Variants in GABBR2 observed in about 807,000 individuals in gnomAD.
The protein encoded by GABBR2 is gamma-aminobutyric acid type B receptor subunit 2, also known as G-protein coupled receptor 51.
In GABBR2, 23 loss-of-function variants were observed where a neutral mutation model predicts 105.6. The observed-to-expected ratio is 0.22, with a 90% confidence interval of 0.16 to 0.31. The LOEUF (loss-of-function observed/expected upper bound fraction) is 0.31, where lower values mean the gene tolerates loss of function less well. Among genes scored for constraint, GABBR2 ranks in the 10% least tolerant of loss-of-function variants. The probability of loss-of-function intolerance (pLI) is 1.00; values close to 1 mark genes in which losing one functional copy is unlikely to be tolerated. For missense variants in GABBR2, 734 were observed against 1,245.5 expected, an observed-to-expected ratio of 0.59 and a Z score of 6.18; for synonymous variants, 478 against 499.7, an observed-to-expected ratio of 0.96 and a Z score of 0.58.
At chr9:98,452,200 G>T (rs1291258847) in intron 7 of GABBR2, among the ~76,000 whole-genome samples, 2 of 152,174 alleles carry the variant, frequency 1.3e-5, no homozygotes, top group Admixed American at 1.3e-4. Context: ...AGGCATGCAT[G>T]AATATGCATA....
chr9:98,366,411 A>G (rs1404478936), intron 12 of GABBR2, among the ~76,000 whole-genome samples: 1 of 152,224 alleles, frequency 6.6e-6, no homozygotes, highest in Admixed American at 6.5e-5. Flanking sequence ...ACTCATTTAA[A>G]TGAATGTCAT....
At chr9:98,423,514 C>G (rs1469896688) in intron 7 of GABBR2, among the ~76,000 whole-genome samples, 2 of 152,114 alleles carry the variant, frequency 1.3e-5, no homozygotes, top group Non-Finnish European at 2.9e-5. Context: ...AGCCCTTTGT[C>G]AGATGAGTAG....
chr9:98,489,647 A>T (rs1266923707), intron 4 of GABBR2, among the ~76,000 whole-genome samples: 1 of 152,046 alleles, frequency 6.6e-6, no homozygotes, highest in Middle Eastern at 3.2e-3. Flanking sequence ...CAAGTTTCGA[A>T]CGTAATATCA....
At chr9:98,402,607 G>A (rs769935406) in intron 8 of GABBR2, among the ~76,000 whole-genome samples, 6 of 152,144 alleles carry the variant, frequency 3.9e-5, no homozygotes, top group Non-Finnish European at 8.8e-5. Flanking sequence ...GTGAGGCAGG[G>A]AAGGGAGCCA....
chr9:98,296,061 G>A (rs1830376834), intron 17 of GABBR2, among the ~76,000 whole-genome samples: 2 of 152,330 alleles, frequency 1.3e-5, no homozygotes, highest in African/African-American at 2.4e-5. Context: ...TGGTCTGAAT[G>A]TGTCCCCCCA....
chr9:98,352,689 C>T (rs1471701175), intron 13 of GABBR2, among the ~76,000 whole-genome samples: 1 of 152,058 alleles, frequency 6.6e-6, no homozygotes, highest in Non-Finnish European at 1.5e-5. Flanking sequence ...GGGTTATCGG[C>T]ATCCCCAGGC....
At chr9:98,326,318 T>C (rs1339155663) in intron 13 of GABBR2, among the ~76,000 whole-genome samples, 3 of 152,208 alleles carry the variant, frequency 2.0e-5, no homozygotes, top group Non-Finnish European at 4.4e-5. Flanking sequence ...TGTGCTCCTG[T>C]AATAATCCCA....
chr9:98,637,874 T>C (rs984526809), intron 1 of GABBR2, among the ~76,000 whole-genome samples: 3 of 152,226 alleles, frequency 2.0e-5, no homozygotes, highest in Admixed American at 1.3e-4. Context: ...TGGTCATTTG[T>C]TACAGCAGCA....
chr9:98,535,405 T>G (rs1300468279), intron 3 of GABBR2, among the ~76,000 whole-genome samples: 1 of 151,512 alleles, frequency 6.6e-6, no homozygotes, highest in Non-Finnish European at 1.5e-5. Context: ...TCAGCCCGGA[T>G]GGAGGATATT....
At chr9:98,320,067 C>G (rs1283609378) in intron 13 of GABBR2, among the ~76,000 whole-genome samples, 2 of 151,952 alleles carry the variant, frequency 1.3e-5, no homozygotes, top group Non-Finnish European at 2.9e-5. Flanking sequence ...AAAATTTTCG[C>G]AACCTACTCA....
At chr9:98,300,787 A>AG (rs1830456708) in intron 16 of GABBR2, among the ~76,000 whole-genome samples, 1 of 152,198 alleles carries the variant, frequency 6.6e-6, no homozygotes, top group African/African-American at 2.4e-5. Flanking sequence ...TCACAGAGAG[A>AG]AAGTCTTGCC....
chr9:98,537,975 G>A (rs578095642), intron 3 of GABBR2, among the ~76,000 whole-genome samples: 1 of 152,306 alleles, frequency 6.6e-6, no homozygotes, highest in African/African-American at 2.4e-5. Flanking sequence ...CTGTGTCATT[G>A]ATCTCTGGTC....
At chr9:98,633,572 C>A (rs1356524846) in intron 1 of GABBR2, among the ~76,000 whole-genome samples, 1 of 146,660 alleles carries the variant, frequency 6.8e-6, no homozygotes, top group Non-Finnish European at 1.5e-5. Context: ...TACAGTGAGC[C>A]GAGATCTCAC....
intron 1 of GABBR2, among the ~76,000 whole-genome samples, chr9:98,613,838 T>C (rs1284312048): frequency 6.6e-6 from 1 of 152,134 alleles, no homozygotes; most frequent in African/African-American, 2.4e-5. Context: ...AAAAGGGAAC[T>C]CAGAAGAAGG....
intron 1 of GABBR2, among the ~76,000 whole-genome samples, chr9:98,596,496 T>C (rs922473622): frequency 1.3e-5 from 2 of 152,144 alleles, no homozygotes; most frequent in Non-Finnish European, 2.9e-5. Context: ...GGACCACACC[T>C]GCCCTCTCTG....
At chr9:98,497,624 G>C (rs370221671) in intron 3 of GABBR2, among the ~76,000 whole-genome samples, 1 of 152,114 alleles carries the variant, frequency 6.6e-6, no homozygotes, top group African/African-American at 2.4e-5. Flanking sequence ...TCAATCTCTC[G>C]TGTGATTCTT....
intron 7 of GABBR2, among the ~76,000 whole-genome samples, chr9:98,449,230 A>C (rs1826190860): frequency 6.6e-6 from 1 of 151,998 alleles, no homozygotes; most frequent in Non-Finnish European, 1.5e-5. Context: ...TACTCCCCTA[A>C]GCGAAACCGT....
At chr9:98,397,328 A>G (rs1028987203) in intron 8 of GABBR2, among the ~76,000 whole-genome samples, 8 of 152,188 alleles carry the variant, frequency 5.3e-5, no homozygotes, top group African/African-American at 1.4e-4. Flanking sequence ...CTCTAGTTTT[A>G]TCATTTCATT....
chr9:98,542,076 T>G (rs1331221749), intron 2 of GABBR2, 33 bp from the exon 3 acceptor site: 1 of 1,592,356 alleles, frequency 6.3e-7, no homozygotes, highest in Admixed American at 1.7e-5. Flanking sequence ...CGCTTTTTAC[T>G]GATGAGCCTC....
Sources: gnomAD v4.1 joint callset for allele counts (sites outside exome capture counted in the v4.1 genomes callset) on GRCh38, gnomAD v4.1.1 for gene constraint, MANE v1.5 for transcripts, NCBI Gene and HGNC (gene_info 2026-07-23, HGNC 2026-07-21) for gene names.